RASA3: variants seen among roughly 807,000 people sequenced by gnomAD.
RASA3 encodes ras GTPase-activating protein 3.
In RASA3, 73 loss-of-function variants were observed where a neutral mutation model predicts 110.0. That is an observed-to-expected ratio of 0.66 (90% confidence interval 0.55 to 0.81). The LOEUF (loss-of-function observed/expected upper bound fraction) is 0.81. Among genes scored for constraint, RASA3 ranks in the 30% least tolerant of loss-of-function variants. The pLI is 0.00. For missense variants in RASA3, 976 were observed against 1,113.2 expected, an observed-to-expected ratio of 0.88 and a Z score of 1.75; for synonymous variants, 500 against 451.4, an observed-to-expected ratio of 1.11 and a Z score of -1.37.
At chr13:113,980,135 ACCT>A (rs1384207821) in intron 23 of RASA3, among the ~76,000 whole-genome samples, 19 of 100,718 alleles carry the variant, frequency 1.9e-4, no homozygotes, top group Admixed American at 1.4e-3. Flanking sequence ...CTCTGTGTGT[ACCT>A]CCTGCCACGT....
Position 113,981,868 on chromosome 13 carries a change from G to A in RASA3, c.2246-10C>T. On this transcript the variant is annotated splice_polypyrimidine_tract_variant and intron_variant, in intron 22 of 23. Transcript: ENST00000334062. ...TTGCTCCCACAGGCCTCTGTGGAGG[G>A]CGGAGGGGTCAGCGCAGGGCAGGAG... 6.2e-7 allele frequency: 1 copy of A among 1,612,388 alleles called. No homozygotes were observed. Among genetic ancestry groups the A allele is most frequent in the Non-Finnish European group, 8.5e-7 (1 of 1,179,408 alleles).
chr13:114,002,153 G>A (rs2139174776), intron 18 of RASA3, among the ~76,000 whole-genome samples: 1 of 152,366 alleles, frequency 6.6e-6, no homozygotes, highest in East Asian at 1.9e-4. Flanking sequence ...GGAAGCTGAG[G>A]ACGAGAAGCC....
chr13:114,023,060 AC>A (rs757153570), intron 8 of RASA3, among the ~76,000 whole-genome samples: 29 of 152,052 alleles, frequency 1.9e-4, no homozygotes, highest in Non-Finnish European at 1.0e-4. Context: ...CAACCACAAA[AC>A]CACGCCTCCC....
intron 3 of RASA3, among the ~76,000 whole-genome samples, chr13:114,049,921 C>A (rs576586969): frequency 6.6e-6 from 1 of 152,210 alleles, no homozygotes; most frequent in African/African-American, 2.4e-5. Context: ...GGCAGCCCAC[C>A]CATGCCGCGG....
chr13:114,060,372 C>T (rs2079318235), intron 2 of RASA3, among the ~76,000 whole-genome samples: 2 of 152,228 alleles, frequency 1.3e-5, no homozygotes, highest in African/African-American at 4.8e-5. Flanking sequence ...GGAGGAATCA[C>T]CTGTCTCAGG....
chr13:114,080,658 C>T (rs566147079), intron 1 of RASA3, among the ~76,000 whole-genome samples: 14 of 152,318 alleles, frequency 9.2e-5, no homozygotes, highest in African/African-American at 2.9e-4. Context: ...GGCCTGACCC[C>T]GACAACGGCT....
chr13:114,101,252 G>A (rs2080056918), intron 1 of RASA3, among the ~76,000 whole-genome samples: 1 of 152,192 alleles, frequency 6.6e-6, no homozygotes, highest in Non-Finnish European at 1.5e-5. Flanking sequence ...GGGAAGGGAA[G>A]GGAAAATCCA....
intron 2 of RASA3, among the ~76,000 whole-genome samples, chr13:114,073,161 TAC>T (rs1173020775): frequency 6.7e-6 from 1 of 149,646 alleles, no homozygotes; most frequent in African/African-American, 2.5e-5. Context: ...GGACACTGTC[TAC>T]ACACAGAAAA....
At chr13:114,068,879 T>C (rs986000603) in intron 2 of RASA3, among the ~76,000 whole-genome samples, 1 of 152,184 alleles carries the variant, frequency 6.6e-6, no homozygotes, top group African/African-American at 2.4e-5. Flanking sequence ...TTCTCTGAAA[T>C]GTGTCCACTT....
chr13:114,078,626 A>G (rs1373388542), intron 1 of RASA3, among the ~76,000 whole-genome samples: 1 of 152,232 alleles, frequency 6.6e-6, no homozygotes, highest in Non-Finnish European at 1.5e-5. Context: ...ACTTAAACAC[A>G]TTTAATGTAA....
chr13:113,990,857 CAT>C lies in RASA3; in HGVS notation c.2245+1626_2245+1627del, dbSNP rs3056358. Among the ~76,000 whole-genome samples the C allele has an allele frequency of 5.8e-3, 890 of 152,380 alleles. 24 individuals are homozygous for C. Among genetic ancestry groups the C allele is most frequent in the East Asian group, 0.057 (297 of 5,192 alleles). ...CATTTCACACATGTATTGCTGGGAACATGTGTGTACATGGCTATGCATACATG... is the reference window on the plus strand; with the variant it reads ...CATTTCACACATGTATTGCTGGGAACGTGTGTACATGGCTATGCATACATG... On this transcript the variant is annotated intron_variant, in intron 22 of 23. Transcript: ENST00000334062.
chr13:114,055,430 T>A (rs1050697636), intron 2 of RASA3, among the ~76,000 whole-genome samples: 1 of 152,200 alleles, frequency 6.6e-6, no homozygotes, highest in Non-Finnish European at 1.5e-5. Context: ...GTGGCCTCCC[T>A]GGAGAAGCTT....
At chr13:114,033,898 G>A (rs1185573496) in intron 4 of RASA3, among the ~76,000 whole-genome samples, 2 of 152,258 alleles carry the variant, frequency 1.3e-5, no homozygotes, top group Non-Finnish European at 2.9e-5. Context: ...CCCCACGCCA[G>A]CACTGTGGGC....
chr13:114,018,709 C>T lies in RASA3; in HGVS notation c.942+54G>A. The T allele has an allele frequency of 3.1e-6, 5 of 1,595,862 alleles. No individual in the cohort carries two copies. The South Asian group carries it at 5.6e-5, about 18-fold the overall frequency. ...GTGGGCCCGGGTGTAGGGTGGGGCC[C>T]CAGGCAGGTGGCACCTCCTGCCCAC... On this transcript the variant is annotated intron_variant, in intron 10 of 23. Transcript: ENST00000334062.
At chr13:114,106,593 T>C (rs2080138415) in intron 1 of RASA3, among the ~76,000 whole-genome samples, 2 of 152,160 alleles carry the variant, frequency 1.3e-5, no homozygotes, top group Admixed American at 1.3e-4. Flanking sequence ...TTAGCGTAGG[T>C]GTAGAAATTC....
rs539759617 is a variant in RASA3, at chr13:114,025,792, T to C, written c.604-1437A>G. On this transcript the variant is annotated intron_variant, in intron 7 of 23. Coordinates refer to ENST00000334062, the MANE Select transcript of RASA3 (RefSeq NM_007368.4). ...CGCTGCTTCCCATAGAAACGGAACA[T>C]CTGTTTTCCTGGGTCTGCTCCCAGT... Among the ~76,000 whole-genome samples, 6 of 152,330 alleles carry C rather than the reference T, an allele frequency of 3.9e-5. 1 individual carries two copies. Among genetic ancestry groups the C allele is most frequent in the African/African-American group, 1.4e-4 (6 of 41,576 alleles).
chr13:114,033,923 C>T (rs556350064), intron 4 of RASA3, among the ~76,000 whole-genome samples: 2 of 152,234 alleles, frequency 1.3e-5, no homozygotes, highest in Non-Finnish European at 1.5e-5. Flanking sequence ...AAAACAGGTG[C>T]CTAAAATGAC....
chr13:114,132,203 G>C (rs546428030), intron 1 of RASA3, among the ~76,000 whole-genome samples: 1 of 152,194 alleles, frequency 6.6e-6, no homozygotes, highest in Non-Finnish European at 1.5e-5. Context: ...GCGCAGAGGA[G>C]GCGCAGGGAG....
chr13:114,023,227 A>C, intron 8 of RASA3, among the ~76,000 whole-genome samples: 1 of 151,988 alleles, frequency 6.6e-6, no homozygotes, highest in Middle Eastern at 3.4e-3. Context: ...TCCCAGGCTC[A>C]GGGACATCCC....
Sources: allele counts gnomAD v4.1 joint callset (sites outside exome capture counted in the v4.1 genomes callset), GRCh38; gene constraint gnomAD v4.1.1; transcripts MANE v1.5; gene names NCBI Gene and HGNC (gene_info 2026-07-23, HGNC 2026-07-21).